Variants in WDFY4 observed in about 807,000 individuals in gnomAD.
The protein encoded by WDFY4 is WDFY family member 4.
A neutral mutation model predicts 351.9 loss-of-function variants in WDFY4; 169 were observed. That is an observed-to-expected ratio of 0.48 (90% CI 0.42 to 0.55). The LOEUF is 0.55. Ranked by LOEUF, WDFY4 falls within the 20% of genes least tolerant of loss-of-function variation. The pLI is 0.00. For missense variants in WDFY4, 3,803 were observed against 3,935.6 expected, an observed-to-expected ratio of 0.97 and a Z score of 0.90; for synonymous variants, 1,622 against 1,574.6, an observed-to-expected ratio of 1.03 and a Z score of -0.71.
intron 43 of WDFY4, among the ~76,000 whole-genome samples, chr10:48,890,017 G>A (rs901458062): frequency 2.0e-5 from 3 of 152,198 alleles, no homozygotes; most frequent in Admixed American, 2.0e-4. Context: ...CCAGCAACAG[G>A]GGAAATGCTC....
At chr10:48,741,644 T>C (rs1278431454) in intron 11 of WDFY4, among the ~76,000 whole-genome samples, 2 of 152,116 alleles carry the variant, frequency 1.3e-5, no homozygotes, top group African/African-American at 4.8e-5. Context: ...CTACAGACTG[T>C]TGCTTAGGCC....
chr10:48,754,012 AATCAG>A (rs1276231657), intron 12 of WDFY4, among the ~76,000 whole-genome samples: 1 of 151,900 alleles, frequency 6.6e-6, no homozygotes, highest in Non-Finnish European at 1.5e-5. Flanking sequence ...TTATGAGTCA[AATCAG>A]ATGATCATCT....
chr10:48,788,016 CCTTCTCCTTCTCCTTTTCCTT>C (rs1565199566), intron 20 of WDFY4, among the ~76,000 whole-genome samples: 2 of 136,942 alleles, frequency 1.5e-5, no homozygotes, highest in African/African-American at 2.8e-5. Flanking sequence ...TTCTCCTTCT[CCTTCTCCTTCTCCTTTTCCTT>C]CTTCTTCTTC....
At chr10:48,920,681 A>C (rs1040079955) in intron 47 of WDFY4, among the ~76,000 whole-genome samples, 1 of 152,238 alleles carries the variant, frequency 6.6e-6, no homozygotes, top group African/African-American at 2.4e-5. Context: ...TAATGCAAAA[A>C]ATAAAGGCAT....
intron 2 of WDFY4, among the ~76,000 whole-genome samples, chr10:48,715,808 CTTT>C (rs11101438): frequency 7.1e-6 from 1 of 141,288 alleles, no homozygotes. Flanking sequence ...CTTTTCTTTT[CTTT>C]TTTTTTTTTT....
In WDFY4 at chr10:48,806,027, C is replaced by A. The variant is rs1276074515; in HGVS notation, c.4670C>A (p.Thr1557Asn). ...LLRIGLFVVY[T>N]LKPSSVNERQ... is the part of the protein sequence containing the mutation. ...AGGATTGGGCTGTTTGTTGTGTACA[C>A]CCTCAAGCCTTCGTCGGTGAATGAG... The change falls in exon 27 of 62, where the codon ACC becomes AAC. Residue 1557 changes from threonine (T) to asparagine (N), a missense_variant. Thr to Asn is a moderately conservative substitution (Grantham distance 65). Around this residue, in one of 3 missense-constraint regions of WDFY4, gnomAD observed 3,054 missense variants for 3,148.6 expected, o/e 0.97. Coordinates refer to ENST00000325239, the MANE Select transcript of WDFY4 (RefSeq NM_001394531.1). The A allele has an allele frequency of 2.3e-5, 35 of 1,551,596 alleles. No homozygotes were observed. The highest frequency in any genetic ancestry group is 3.1e-5 in the Non-Finnish European group (35 of 1,147,008).
chr10:48,895,817 C>T (rs569762657), intron 44 of WDFY4, among the ~76,000 whole-genome samples: 54 of 152,300 alleles, frequency 3.5e-4, no homozygotes, highest in African/African-American at 1.1e-3. Context: ...AAGCTTCCTG[C>T]ACACCCCTCA....
chr10:48,876,277 T>G (rs2070004739), intron 42 of WDFY4, among the ~76,000 whole-genome samples: 3 of 152,174 alleles, frequency 2.0e-5, no homozygotes, highest in Admixed American at 2.0e-4. Context: ...TGAAAGTAAA[T>G]GGACCAAATT....
At chr10:48,810,833 C>A in intron 29 of WDFY4, 98 bp downstream of exon 29, 1 of 1,261,744 alleles carries the variant, frequency 7.9e-7, no homozygotes, top group Non-Finnish European at 1.1e-6. Flanking sequence ...ACCATCACAG[C>A]TCTGTGCAGC....
At chr10:48,933,968 G>T (rs569327546) in intron 47 of WDFY4, among the ~76,000 whole-genome samples, 1 of 152,166 alleles carries the variant, frequency 6.6e-6, no homozygotes, top group South Asian at 2.1e-4. Context: ...TAACAAACCG[G>T]TCTGCAGACA....
At chr10:48,904,068 C>G (rs544897381) in intron 47 of WDFY4, among the ~76,000 whole-genome samples, 1 of 152,180 alleles carries the variant, frequency 6.6e-6, no homozygotes, top group African/African-American at 2.4e-5. Context: ...GGGATAAGAA[C>G]TGAGAAATGA....
Position 48,828,798 on chromosome 10 carries a change from T to G in WDFY4, c.6242T>G (p.Leu2081Trp). The G allele has an allele frequency of 6.5e-7, 1 of 1,548,500 alleles. No homozygotes were observed. The highest frequency in any genetic ancestry group is 8.7e-7 in the Non-Finnish European group (1 of 1,145,634). Residue 2081 changes from leucine to tryptophan, a missense_variant, in exon 37 of 62, where the codon TTG becomes TGG. Leu to Trp is a moderately conservative substitution (Grantham distance 61). This residue lies in a region of WDFY4 where 3,054 missense variants were observed against 3,148.6 expected (regional missense o/e 0.97). Coordinates refer to ENST00000325239, the MANE Select transcript of WDFY4 (RefSeq NM_001394531.1). The stretch of plus-strand genomic sequence containing the variant: ...ACTAGTTACCCAGAAGGATTTGGAT[T>G]GGAGCCCAAGCCTAGAATGTCTACT... ...NERSYPEGFGLEPKPRMSTYH... is the reference protein window; with the variant it reads ...NERSYPEGFGWEPKPRMSTYH...
rs530370138 is a variant in WDFY4, at chr10:48,737,130, C to T, written c.1878+1060C>T. 2.0e-5 allele frequency among the ~76,000 whole-genome samples: 3 copies of T among 152,274 alleles called. No individual in the cohort carries two copies. The South Asian group carries it at 6.2e-4, about 32-fold the overall frequency. Reference sequence around the variant, plus strand: ...GCTTGAGTGATCCTCCCACCTCAGGCTCCTAAGTAGCTAGAACTATAGACA... The same window carrying T: ...GCTTGAGTGATCCTCCCACCTCAGGTTCCTAAGTAGCTAGAACTATAGACA... On this transcript the variant is annotated intron_variant, in intron 11 of 61. Transcript: ENST00000325239.
At chr10:48,752,990 A>G (rs1261598699) in intron 12 of WDFY4, among the ~76,000 whole-genome samples, 3 of 152,212 alleles carry the variant, frequency 2.0e-5, no homozygotes, top group African/African-American at 7.2e-5. Flanking sequence ...CCCAACAGCA[A>G]TATAAAAGGT....
At chr10:48,701,964 C>T (rs994536650) in intron 1 of WDFY4, among the ~76,000 whole-genome samples, 3 of 152,204 alleles carry the variant, frequency 2.0e-5, no homozygotes, top group African/African-American at 7.2e-5. Flanking sequence ...AAAATCCCCA[C>T]CTCTGGCTTT....
intron 21 of WDFY4, among the ~76,000 whole-genome samples, chr10:48,789,238 A>T (rs907637854): frequency 6.6e-6 from 1 of 152,164 alleles, no homozygotes; most frequent in African/African-American, 2.4e-5. Context: ...CAACAAGGAG[A>T]TATGTTTGTA....
At chr10:48,736,318 C>G (rs1184578983) in intron 11 of WDFY4, 1 of 608,042 alleles carries the variant, frequency 1.6e-6, no homozygotes, top group Non-Finnish European at 2.9e-6. Flanking sequence ...GAACTACCAT[C>G]ACCTGGGCAT....
intron 44 of WDFY4, among the ~76,000 whole-genome samples, chr10:48,892,664 TA>T (rs1423376180): frequency 6.6e-6 from 1 of 152,196 alleles, no homozygotes; most frequent in Admixed American, 6.5e-5. Context: ...GATACATAAA[TA>T]AACTTGTTAA....
chr10:48,933,682 T>C (rs1460159805), intron 47 of WDFY4, among the ~76,000 whole-genome samples: 2 of 152,064 alleles, frequency 1.3e-5, no homozygotes, highest in Non-Finnish European at 2.9e-5. Context: ...ATGATACTAG[T>C]AGGGAGCTCA....
Sources: allele counts gnomAD v4.1 joint callset (sites outside exome capture counted in the v4.1 genomes callset), GRCh38; gene constraint gnomAD v4.1.1; regional missense constraint gnomAD v4.1.1; transcripts MANE v1.5; gene names NCBI Gene and HGNC (gene_info 2026-07-23, HGNC 2026-07-21).